The following PHF24 variants were observed in gnomAD, a reference collection of about 807,000 sequenced individuals.
The protein encoded by PHF24 is PHD finger protein 24.
A neutral mutation model predicts 42.6 loss-of-function variants in PHF24; 25 were observed. The observed-to-expected ratio is 0.59, with a 90% CI of 0.43 to 0.82. The LOEUF (loss-of-function observed/expected upper bound fraction) is 0.82. Ranked by LOEUF, PHF24 falls within the 40% of genes least tolerant of loss-of-function variation. The pLI, the probability that PHF24 is intolerant of heterozygous loss-of-function variation, is 0.00. For synonymous variants in PHF24, 185 were observed against 204.8 expected (o/e 0.90, Z 0.83); for missense variants, 470 against 538.1 (o/e 0.87, Z 1.25).
chr9:34,786,605 A>G, the PHF24 span, among the ~76,000 whole-genome samples: 1 of 152,246 alleles, frequency 6.6e-6, no homozygotes, highest in African/African-American at 2.4e-5. Flanking sequence ...TAATCATAAA[A>G]ATGACATTTT....
At chr9:34,837,669 C>T in the PHF24 span, 1 of 1,522,820 alleles carries the variant, frequency 6.6e-7, no homozygotes, top group Non-Finnish European at 8.9e-7. Flanking sequence ...GATGCTGCAT[C>T]TCTAGCTCTT....
At chr9:34,777,464 G>A in the PHF24 span, among the ~76,000 whole-genome samples, 1 of 152,182 alleles carries the variant, frequency 6.6e-6, no homozygotes, top group Non-Finnish European at 1.5e-5. Flanking sequence ...TGTGGCTAGG[G>A]CGAGGGCAGT....
the PHF24 span, among the ~76,000 whole-genome samples, chr9:34,935,744 G>GGT: frequency 6.7e-6 from 1 of 149,974 alleles, no homozygotes; most frequent in African/African-American, 2.5e-5. Flanking sequence ...GTGGGGGGGG[G>GGT]GTGTGTGTGT....
At chr9:34,908,407 T>A in the PHF24 span, among the ~76,000 whole-genome samples, 1 of 152,212 alleles carries the variant, frequency 6.6e-6, no homozygotes, top group Non-Finnish European at 1.5e-5. Flanking sequence ...CTGGGAGCTT[T>A]CATTCTAGTG....
the PHF24 span, among the ~76,000 whole-genome samples, chr9:34,703,568 T>C: frequency 6.6e-6 from 1 of 151,964 alleles, no homozygotes; most frequent in South Asian, 2.1e-4. Context: ...AAGTAGGAAT[T>C]GTGGCCAGCC....
the PHF24 span, among the ~76,000 whole-genome samples, chr9:34,799,565 G>A: frequency 4.6e-5 from 7 of 152,192 alleles, no homozygotes; most frequent in East Asian, 1.4e-3. Context: ...TACCTTTGTG[G>A]TCCAGACCAA....
the PHF24 span, among the ~76,000 whole-genome samples, chr9:34,903,616 A>G: frequency 6.6e-6 from 1 of 152,242 alleles, no homozygotes; most frequent in Non-Finnish European, 1.5e-5. Flanking sequence ...CAGGAACCAA[A>G]GAGCAAGGCT....
the PHF24 span, among the ~76,000 whole-genome samples, chr9:34,703,389 G>A: frequency 2.0e-5 from 3 of 152,190 alleles, no homozygotes; most frequent in East Asian, 1.9e-4. Context: ...GGCTGGTTTC[G>A]AACACCTGAC....
At chr9:34,838,338 G>A in the PHF24 span, 1 of 764,808 alleles carries the variant, frequency 1.3e-6, no homozygotes, top group Admixed American at 2.0e-5. Flanking sequence ...TGGAATCATA[G>A]TGTTGCCCTA....
At chr9:34,712,624 A>G in the PHF24 span, among the ~76,000 whole-genome samples, 2 of 151,350 alleles carry the variant, frequency 1.3e-5, no homozygotes, top group Non-Finnish European at 2.9e-5. Context: ...TCTTTTTACT[A>G]ATTTCCATCT....
At chr9:34,869,693 G>C in the PHF24 span, among the ~76,000 whole-genome samples, 2 of 152,116 alleles carry the variant, frequency 1.3e-5, no homozygotes, top group Non-Finnish European at 2.9e-5. Context: ...CTACCTTACA[G>C]ATACATCTAG....
the PHF24 span, among the ~76,000 whole-genome samples, chr9:34,867,604 T>TA: frequency 1.3e-5 from 2 of 152,126 alleles, no homozygotes; most frequent in Non-Finnish European, 2.9e-5. Context: ...TGGATTCCCT[T>TA]AAAGACCGCA....
In PHF24 at chr9:34,978,011, C is replaced by T. The variant is rs774103732; in HGVS notation, c.1107-4C>T. On this transcript the variant is annotated splice_polypyrimidine_tract_variant and splice_region_variant and intron_variant, in intron 7 of 7. Coordinates refer to ENST00000242315, the Ensembl canonical transcript of PHF24. Reference sequence around the variant, plus strand: ...CACGACTCTGTTCTTTGCTTCCACTCCAGATTTGTGGACTGGCCTACCTTC... The same window carrying T: ...CACGACTCTGTTCTTTGCTTCCACTTCAGATTTGTGGACTGGCCTACCTTC... The T allele has an allele frequency of 6.2e-7, 1 of 1,611,904 alleles. No individual in the cohort carries two copies. The highest frequency in any genetic ancestry group is 1.1e-5 in the South Asian group (1 of 91,048).
the PHF24 span, among the ~76,000 whole-genome samples, chr9:34,847,232 A>G: frequency 9.2e-5 from 14 of 152,136 alleles, no homozygotes; most frequent in African/African-American, 2.7e-4. Flanking sequence ...CTACCCATGA[A>G]CATGGAATGT....
intron 1 of PHF24, among the ~76,000 whole-genome samples, chr9:34,970,754 G>A (rs1246837415): frequency 6.6e-6 from 1 of 152,198 alleles, no homozygotes; most frequent in Non-Finnish European, 1.5e-5. Context: ...AGTAGCAGAG[G>A]TGTAGGACCC....
At chr9:34,830,078 C>T in the PHF24 span, among the ~76,000 whole-genome samples, 1 of 152,160 alleles carries the variant, frequency 6.6e-6, no homozygotes, top group South Asian at 2.1e-4. Flanking sequence ...GTACAATTAT[C>T]CCATTTTGCC....
the PHF24 span, among the ~76,000 whole-genome samples, chr9:34,844,047 T>C: frequency 6.6e-6 from 1 of 152,336 alleles, no homozygotes; most frequent in East Asian, 1.9e-4. Context: ...TCTAGGACTT[T>C]ATCCATTTCT....
chr9:34,880,212 G>A, the PHF24 span, among the ~76,000 whole-genome samples: 2 of 152,158 alleles, frequency 1.3e-5, no homozygotes, highest in Non-Finnish European at 2.9e-5. Context: ...ACTAAACATG[G>A]AAAGGAACAA....
At chr9:34,864,486 T>A in the PHF24 span, among the ~76,000 whole-genome samples, 1 of 150,968 alleles carries the variant, frequency 6.6e-6, no homozygotes, top group Non-Finnish European at 1.5e-5. Flanking sequence ...CAGGAGAGAG[T>A]GGCATGACAT....
Sources: gnomAD v4.1 joint callset for allele counts (sites outside exome capture counted in the v4.1 genomes callset) on GRCh38, gnomAD v4.1.1 for gene constraint, MANE v1.5 for transcripts, NCBI Gene and HGNC (gene_info 2026-07-23, HGNC 2026-07-21) for gene names.